The following CILP variants were observed in gnomAD, a reference collection of about 807,000 sequenced individuals.
CILP encodes the protein cartilage intermediate layer protein 1.
CILP carries 75 observed loss-of-function variants against 82.5 expected under a neutral mutation model. The ratio of observed to expected loss-of-function variants is 0.91; its 90% confidence interval spans 0.75 to 1.10. The LOEUF (loss-of-function observed/expected upper bound fraction) is 1.10. CILP is among the 50% of genes least tolerant of loss of function. CILP has a pLI of 0.00. For synonymous variants in CILP, 530 were observed against 580.3 expected (o/e 0.91, Z 1.25); for missense variants, 1,479 against 1,530.8 (o/e 0.97, Z 0.56).
chr15:65,201,019 T>A (rs1438638709), intron 8 of CILP, among the ~76,000 whole-genome samples: 1 of 146,956 alleles, frequency 6.8e-6, no homozygotes, highest in African/African-American at 2.5e-5. Context: ...CTTTTTTTTT[T>A]GAGACAGAGT....
In CILP at chr15:65,197,628, A is replaced by C. The variant is rs765071053; in HGVS notation, c.2658T>G (p.Ala886=). Residue 886 remains alanine (A), a synonymous_variant, in exon 9 of 9, where the codon GCT becomes GCG. Coordinates refer to ENST00000261883, the MANE Select transcript of CILP (RefSeq NM_003613.4). The part of the protein sequence containing the change: ...ISMAKPRPNS[A]EESNGPIYAF... ...CATAGATGGGCCCATTGCTCTCCTCAGCTGAGTTGGGCCTTGGCTTGGCCA... is the reference window on the plus strand; with the variant it reads ...CATAGATGGGCCCATTGCTCTCCTCCGCTGAGTTGGGCCTTGGCTTGGCCA... 2 of 1,614,146 alleles carry C rather than the reference A, an allele frequency of 1.2e-6. No individual in the cohort carries two copies. The highest frequency in any genetic ancestry group is 1.7e-6 in the Non-Finnish European group (2 of 1,180,032).
chr15:65,207,859 G>C, intron 2 of CILP, 95 bp from the exon 3 acceptor site: 1 of 1,036,748 alleles, frequency 9.6e-7, no homozygotes, highest in South Asian at 1.3e-5. Context: ...GGTGAATGGA[G>C]CATGAGCACC....
chr15:65,196,850 C>T lies in CILP; in HGVS notation c.3436G>A (p.Val1146Ile), dbSNP rs772495859. 2.5e-6 allele frequency: 4 copies of T among 1,613,808 alleles called. No individual in the cohort carries two copies. Among genetic ancestry groups the T allele is most frequent in the East Asian group, 2.2e-5 (1 of 44,886 alleles). Reference protein sequence around the residue: ...TPAQSPAAGTVQGRVPSRRQQ... With the variant: ...TPAQSPAAGTIQGRVPSRRQQ... Reference sequence around the variant, plus strand: ...CTCCTCGAGGGCACTCTTCCTTGGACAGTGCCTGCAGCAGGGGACTGGGCT... The same window carrying T: ...CTCCTCGAGGGCACTCTTCCTTGGATAGTGCCTGCAGCAGGGGACTGGGCT... The change falls in exon 9 of 9, where the codon GTC (valine) becomes ATC (isoleucine). Residue 1146 changes from valine to isoleucine, a missense_variant. By Grantham distance (29) the Val-to-Ile change is conservative (BLOSUM62 3). Coordinates refer to ENST00000261883, the MANE Select transcript of CILP (RefSeq NM_003613.4).
chr15:65,199,349 A>G (rs571498241), intron 8 of CILP, among the ~76,000 whole-genome samples: 1 of 152,162 alleles, frequency 6.6e-6, no homozygotes, highest in African/African-American at 2.4e-5. Context: ...TTGAAAATTT[A>G]TGAAGGTGTT....
At chr15:65,210,958 G>C (rs1269472016) in intron 1 of CILP, among the ~76,000 whole-genome samples, 1 of 152,218 alleles carries the variant, frequency 6.6e-6, no homozygotes, top group Non-Finnish European at 1.5e-5. Flanking sequence ...CATTCAGCCT[G>C]AGCCTGAGCC....
chr15:65,199,186 ATGGTTTTCAAAGGACT>A, intron 8 of CILP, 87 bp from the exon 9 acceptor site: 1 of 930,930 alleles, frequency 1.1e-6, no homozygotes, highest in South Asian at 1.7e-5. Flanking sequence ...ACAGTATTCT[ATGGTTTTCAAAGGACT>A]TGTATATCCA....
At chr15:65,210,751 GA>G (rs1449450888) in intron 1 of CILP, among the ~76,000 whole-genome samples, 1 of 152,176 alleles carries the variant, frequency 6.6e-6, no homozygotes, top group Non-Finnish European at 1.5e-5. Context: ...ACACATATCT[GA>G]AAACACTGGG....
In CILP at chr15:65,198,597, G is replaced by A. The variant is rs1258168765; in HGVS notation, c.1689C>T (p.Ala563=). The part of the protein sequence containing the change: ...KVLPFNKKGS[A]VFHEIKMLRR... Reference sequence around the variant, plus strand: ...GAAGCATCTTGATTTCATGGAACACGGCACTCCCCTTCTTGTTGAAAGGTA... The same window carrying A: ...GAAGCATCTTGATTTCATGGAACACAGCACTCCCCTTCTTGTTGAAAGGTA... The change falls in exon 9 of 9, where the codon GCC becomes GCT. Residue 563 remains alanine (A), a synonymous_variant. Transcript: ENST00000261883. The A allele has an allele frequency of 1.5e-5, 24 of 1,614,210 alleles. No individual in the cohort carries two copies. The highest frequency in any genetic ancestry group is 1.3e-4 in the East Asian group (6 of 44,882).
In CILP at chr15:65,198,368, T is replaced by TCTTCATCA. The variant is rs1566993305; in HGVS notation, c.1917_1918insTGATGAAG (p.Thr640Ter). ...TCGTCATTGATGAAGTTCAGGTCAG[T>TCTTCATCA]CTGGGCAGCTGTGGCTGTGGAAATA... On this transcript the variant is annotated stop_gained and frameshift_variant, in exon 9 of 9. Transcript: ENST00000261883. LOFTEE classifies it high-confidence loss of function. The TCTTCATCA allele has an allele frequency of 1.2e-6, 2 of 1,614,156 alleles. No individual in the cohort carries two copies. The highest frequency in any genetic ancestry group is 3.3e-5 in the Admixed American group (2 of 60,018).
Position 65,204,447 on chromosome 15 carries a change from G to A in CILP, c.740C>T (p.Thr247Ile), listed in dbSNP as rs779213596. ...CTGGGTCAGCAGCTTCGGCGTCTTG[G>A]TCAGGAGGTAGATAGCAGCCCCTGA... ...PASGAAIYLL[T>I]KTPKLLTQTD... is the part of the protein sequence containing the mutation. The change falls in exon 6 of 9, where the codon ACC becomes ATC. Residue 247 changes from threonine to isoleucine, a missense_variant. By Grantham distance (89) the Thr-to-Ile change is moderately conservative. Transcript: ENST00000261883. The A allele has an allele frequency of 3.7e-6, 6 of 1,614,162 alleles. No individual in the cohort carries two copies. In the East Asian group the frequency reaches 6.7e-5, roughly 18 times the overall value.
In CILP at chr15:65,198,605, C is replaced by A; in HGVS notation, c.1681G>T (p.Gly561Trp). Reference sequence around the variant, plus strand: ...TTGATTTCATGGAACACGGCACTCCCCTTCTTGTTGAAAGGTAGCACTTTG... The same window carrying A: ...TTGATTTCATGGAACACGGCACTCCACTTCTTGTTGAAAGGTAGCACTTTG... ...TTKVLPFNKK[G>W]SAVFHEIKML... Residue 561 changes from glycine to tryptophan, a missense_variant, in exon 9 of 9, where the codon GGG becomes TGG. By Grantham distance (184) the Gly-to-Trp change is radical. Transcript: ENST00000261883. 1 of 1,614,254 alleles carries A rather than the reference C, an allele frequency of 6.2e-7. No individual in the cohort carries two copies. The highest frequency in any genetic ancestry group is 8.5e-7 in the Non-Finnish European group (1 of 1,180,042).
At position 65,205,343 on chromosome 15, in the gene CILP, G is replaced by A. The variant is rs766713522; in HGVS notation, c.548C>T (p.Ser183Leu). 1.5e-5 allele frequency: 24 copies of A among 1,613,944 alleles called. 1 individual carries two copies. The highest frequency in any genetic ancestry group is 1.3e-4 in the East Asian group (6 of 44,876). ...RTRICLAEMV[S>L]LCSEASEEGQ... ...CTCTTCGCTGGCCTCACTGCACAGC[G>A]ACACCATCTCTGCCAAGCAAATGCG... The change falls in exon 5 of 9, where the codon TCG (serine) becomes TTG (leucine). Residue 183 changes from serine to leucine, a missense_variant. Transcript: ENST00000261883.
intron 6 of CILP, 110 bp downstream of exon 6, chr15:65,204,158 G>T (rs2140679300): frequency 1.1e-6 from 1 of 925,738 alleles, no homozygotes; most frequent in Non-Finnish European, 1.7e-6. Flanking sequence ...CCATGGTAAG[G>T]ATTCGGGGTT....
At chr15:65,201,399 C>A (rs528845872) in intron 8 of CILP, among the ~76,000 whole-genome samples, 1 of 152,032 alleles carries the variant, frequency 6.6e-6, no homozygotes, top group Non-Finnish European at 1.5e-5. Context: ...TCTGTACCAT[C>A]GTTATGTCCT....
chr15:65,198,559 G>T lies in CILP; in HGVS notation c.1727C>A (p.Pro576His). The T allele has an allele frequency of 1.9e-6, 3 of 1,614,210 alleles. No individual in the cohort carries two copies. The highest frequency in any genetic ancestry group is 1.6e-4 in the Middle Eastern group (1 of 6,062). The change falls in exon 9 of 9, where the codon CCC becomes CAC. Residue 576 changes from proline to histidine, a missense_variant. Coordinates refer to ENST00000261883, the MANE Select transcript of CILP (RefSeq NM_003613.4). ...GGTCTCCATGGCTTCCAAAGTGATG[G>T]GCTTTTTCCGACGAAGCATCTTGAT... ...HEIKMLRRKK[P>H]ITLEAMETNI... is the part of the protein sequence containing the mutation.
chr15:65,206,829 G>C lies in CILP; in HGVS notation c.377C>G (p.Pro126Arg). The C allele has an allele frequency of 6.2e-7, 1 of 1,614,034 alleles. No homozygotes were observed. The highest frequency in any genetic ancestry group is 8.5e-7 in the Non-Finnish European group (1 of 1,179,996). The change falls in exon 4 of 9, where the codon CCT becomes CGT. Residue 126 changes from proline (P) to arginine (R), a missense_variant. Coordinates refer to ENST00000261883, the MANE Select transcript of CILP (RefSeq NM_003613.4). ...GFWCLNREQRPGQNCSNYTVR... is the reference protein window; with the variant it reads ...GFWCLNREQRRGQNCSNYTVR... The stretch of plus-strand genomic sequence containing the variant: ...GGTGTAATTAGAGCAGTTCTGGCCA[G>C]GCCGCTGCTCCCTGTTGAGGCACCA...
chr15:65,204,542 G>C lies in CILP; in HGVS notation c.645C>G (p.Asp215Glu). ...LTCPMGQVNA[D>E]CDACMCQDFM... is the part of the protein sequence containing the mutation. ...AGTCCTGGCACATGCAGGCATCACA[G>C]TCAGCATTCACCTGGCCCATTGGGC... is the stretch of plus-strand genomic sequence containing the variant. The change falls in exon 6 of 9, where the codon GAC becomes GAG. Residue 215 changes from aspartate to glutamate, a missense_variant. Transcript: ENST00000261883. The C allele has an allele frequency of 6.2e-7, 1 of 1,612,836 alleles. No individual in the cohort carries two copies.
rs1030490383 is a variant in CILP, at chr15:65,202,176, G to A, written c.1029-147C>T. On this transcript the variant is annotated intron_variant, in intron 7 of 8. Coordinates refer to ENST00000261883, the MANE Select transcript of CILP (RefSeq NM_003613.4). ...CACCTTTGACTTGGCTCATCCAAGA[G>A]CACTAATTGGCCTGGGAAACAAGGA... 1.9e-5 allele frequency: 12 copies of A among 630,624 alleles called. No individual in the cohort carries two copies. The African/African-American group carries it at 2.3e-4, about 12-fold the overall frequency. The allele number at this position is 630,624 out of a possible 1,614,324, so 39.1% of individuals were successfully genotyped here.
chr15:65,197,379 T>C lies in CILP; in HGVS notation c.2907A>G (p.Arg969=). The C allele has an allele frequency of 6.2e-7, 1 of 1,614,220 alleles. No homozygotes were observed. Among genetic ancestry groups the C allele is most frequent in the South Asian group, 1.1e-5 (1 of 91,090 alleles). ...KIVGPLEVNV[R]SRNMGGTHRQ... ...GATGAGTGCCCCCCATGTTGCGGGA[T>C]CGCACATTCACTTCCAGTGGCCCCA... Residue 969 remains arginine (R), a synonymous_variant, in exon 9 of 9, where the codon CGA becomes CGG. Coordinates refer to ENST00000261883, the MANE Select transcript of CILP (RefSeq NM_003613.4).
Sources: allele counts gnomAD v4.1 joint callset (sites outside exome capture counted in the v4.1 genomes callset), GRCh38; gene constraint gnomAD v4.1.1; transcripts MANE v1.5; gene names NCBI Gene and HGNC (gene_info 2026-07-23, HGNC 2026-07-21).